The following PKD1L1 variants were observed in gnomAD, a reference collection of about 807,000 sequenced individuals.
The protein encoded by PKD1L1 is polycystin 1 like 1, transient receptor potential channel interacting.
Under a neutral mutation model 323.4 loss-of-function variants are expected in PKD1L1, and 236 were observed. The observed-to-expected ratio is 0.73, with a 90% CI of 0.66 to 0.81. PKD1L1 has a LOEUF of 0.81. PKD1L1 is among the 40% of genes least tolerant of loss of function. The pLI, the probability that PKD1L1 is intolerant of heterozygous loss-of-function variation, is 0.00. For missense variants in PKD1L1, 3,320 were observed against 3,508.0 expected (o/e 0.95, Z 1.35); for synonymous variants, 1,344 against 1,335.0 (o/e 1.01, Z -0.15).
At chr7:47,852,722 C>T (rs541600563) in intron 31 of PKD1L1, among the ~76,000 whole-genome samples, 32 of 152,128 alleles carry the variant, frequency 2.1e-4, no homozygotes, top group Admixed American at 6.5e-4. Context: ...CCTATTGATA[C>T]GTGAGACACA....
At chr7:47,830,005 T>G (rs375188900) in intron 43 of PKD1L1, 35 bp downstream of exon 43, 4 of 1,590,812 alleles carry the variant, frequency 2.5e-6, no homozygotes, top group Non-Finnish European at 3.5e-6. Context: ...CCCCTGCTGA[T>G]GGAAGGCACT....
rs149658004 is a variant in PKD1L1 at position 47,931,965 on chromosome 7, C to T, written c.490G>A (p.Ala164Thr). 5.4e-4 allele frequency: 870 copies of T among 1,613,632 alleles called. 10 individuals carry two copies. The African/African-American group carries it at 0.01, about 19-fold the overall frequency. Residue 164 changes from alanine (A) to threonine (T), a missense_variant, in exon 5 of 57, where the codon GCA becomes ACA. Physicochemically the swap from Ala to Thr is moderately conservative, Grantham distance 58. Transcript: ENST00000289672. ...AGAAGAGCAGAGAATGTGCTGTCTG[C>T]GGTCCCAGTAGCACACAGCCGCCTG... ...HHRRLCATGT[A>T]DSTFSALLQL...
At chr7:47,819,225 G>T (rs191524302) in intron 46 of PKD1L1, among the ~76,000 whole-genome samples, 3 of 152,312 alleles carry the variant, frequency 2.0e-5, no homozygotes, top group Admixed American at 1.3e-4. Flanking sequence ...AGGCAGTGAG[G>T]TTTTGCATCC....
At chr7:47,866,369 C>T in intron 25 of PKD1L1, 50 bp downstream of exon 25, 1 of 1,567,664 alleles carries the variant, frequency 6.4e-7, no homozygotes, top group South Asian at 1.2e-5. Context: ...TGAGCCCTGC[C>T]ACTTGATAAA....
chr7:47,950,204 C>A (rs1221537182), upstream of PKD1L1, among the ~76,000 whole-genome samples: 1 of 152,188 alleles, frequency 6.6e-6, no homozygotes. Flanking sequence ...GGTAAAGACA[C>A]CTGTGCAACC....
At position 47,915,568 on chromosome 7, in the gene PKD1L1, C is replaced by A. The variant is rs1583670811; in HGVS notation, c.1092G>T (p.Leu364Phe). 3 of 1,534,924 alleles carry A rather than the reference C, an allele frequency of 2.0e-6. No individual in the cohort carries two copies. Among genetic ancestry groups the A allele is most frequent in the South Asian group, 1.2e-5 (1 of 83,972 alleles). The change falls in exon 8 of 57, where the codon TTG becomes TTT. Residue 364 changes from leucine (L) to phenylalanine (F), a missense_variant. By Grantham distance (22) the Leu-to-Phe change is conservative. Coordinates refer to ENST00000289672, the MANE Select transcript of PKD1L1 (RefSeq NM_138295.5). ...GIFFHLLHFQ[L>F]DMSTYKEAET... ...CTGCTTCTTTGTAGGTGGACATATC[C>A]AACTGAAAATGTAAAAGATGAAAAA...
At chr7:47,908,863 G>T (rs1787262178) in intron 8 of PKD1L1, among the ~76,000 whole-genome samples, 1 of 152,126 alleles carries the variant, frequency 6.6e-6, no homozygotes, top group Non-Finnish European at 1.5e-5. Flanking sequence ...CTTGTCTTGG[G>T]ACCTCTGTCA....
rs1785919396 is a variant in PKD1L1, at chr7:47,857,002, A to G, written c.4590+603T>C. Among the ~76,000 whole-genome samples the G allele has an allele frequency of 2.0e-5, 3 of 152,306 alleles. No homozygotes were observed. In the South Asian group the frequency reaches 6.2e-4, roughly 32 times the overall value. On this transcript the variant is annotated intron_variant, in intron 28 of 56. Coordinates refer to ENST00000289672, the MANE Select transcript of PKD1L1 (RefSeq NM_138295.5). ...ACAAAGCTTCCGAGTGAATGTCTAC[A>G]AAACTGCCAAGTGGCTGGGACAATC...
intron 51 of PKD1L1, 43 bp downstream of exon 51, chr7:47,809,430 T>A: frequency 1.5e-6 from 2 of 1,375,644 alleles, no homozygotes; most frequent in Non-Finnish European, 2.0e-6. Context: ...ATATAAACAG[T>A]TTATTGTTAT....
chr7:47,786,632 G>A (rs1786813668), intron 56 of PKD1L1, among the ~76,000 whole-genome samples: 1 of 152,202 alleles, frequency 6.6e-6, no homozygotes, highest in Non-Finnish European at 1.5e-5. Context: ...CTTACGCAAT[G>A]GTATTCACAA....
intron 56 of PKD1L1, among the ~76,000 whole-genome samples, chr7:47,787,427 T>C (rs1786833435): frequency 6.6e-6 from 1 of 152,196 alleles, no homozygotes; most frequent in African/African-American, 2.4e-5. Flanking sequence ...GTCCCACTCA[T>C]ACACAAGAAA....
rs1445827732 is a variant in PKD1L1, at chr7:47,833,214, G to C, written c.6213C>G (p.Ala2071=). Residue 2071 remains alanine, a synonymous_variant, in exon 41 of 57, where the codon GCC becomes GCG. Coordinates refer to ENST00000289672, the MANE Select transcript of PKD1L1 (RefSeq NM_138295.5). ...ASAILSGSGR[A]QRKAASDNGT... is the part of the protein sequence containing the mutation. ...CATTGTCACTTGCCGCCTTCCTTTG[G>C]GCCCTGCCACTCCCAGAGAGAATGG... is the stretch of plus-strand genomic sequence containing the variant. The C allele has an allele frequency of 6.2e-7, 1 of 1,612,818 alleles. No homozygotes were observed. The highest frequency in any genetic ancestry group is 1.7e-5 in the Admixed American group (1 of 59,916).
At chr7:47,792,832 C>A in intron 55 of PKD1L1, 35 bp from the exon 56 acceptor site, 2 of 1,559,744 alleles carry the variant, frequency 1.3e-6, no homozygotes, top group Non-Finnish European at 8.8e-7. Flanking sequence ...TAAATGCATT[C>A]AAGAATCTCA....
chr7:47,823,335 C>A (rs2128733088), intron 45 of PKD1L1, among the ~76,000 whole-genome samples: 1 of 152,166 alleles, frequency 6.6e-6, no homozygotes, highest in Admixed American at 6.5e-5. Context: ...TTGAGACGAG[C>A]ATGTGGTTTT....
the PKD1L1 span, among the ~76,000 whole-genome samples, chr7:47,959,328 G>GA: frequency 6.7e-6 from 1 of 149,964 alleles, no homozygotes; most frequent in Middle Eastern, 3.2e-3. Flanking sequence ...ACCCAGTCTG[G>GA]AAAGTGAGGA....
the PKD1L1 span, among the ~76,000 whole-genome samples, chr7:47,958,501 G>A: frequency 1.3e-5 from 2 of 152,108 alleles, no homozygotes; most frequent in African/African-American, 4.8e-5. Context: ...AGGAAACACA[G>A]GAGAAATGCT....
At chr7:47,857,960 C>G in intron 27 of PKD1L1, 128 bp from the exon 28 acceptor site, 1 of 844,418 alleles carries the variant, frequency 1.2e-6, no homozygotes, top group Non-Finnish European at 1.8e-6. Flanking sequence ...TGGCAGGAAG[C>G]AAGAGCGCAG....
intron 54 of PKD1L1, among the ~76,000 whole-genome samples, chr7:47,797,508 T>C (rs1784569278): frequency 6.6e-6 from 1 of 151,546 alleles, no homozygotes; most frequent in Non-Finnish European, 1.5e-5. Context: ...GCCTCCTGGA[T>C]TTACCAGCAA....
At position 47,880,816 on chromosome 7, in the gene PKD1L1, G is replaced by T; in HGVS notation, c.3443-11C>A. 1 of 1,592,308 alleles carries T rather than the reference G, an allele frequency of 6.3e-7. No individual in the cohort carries two copies. Among genetic ancestry groups the T allele is most frequent in the Non-Finnish European group, 8.6e-7 (1 of 1,166,452 alleles). On this transcript the variant is annotated splice_polypyrimidine_tract_variant and intron_variant, in intron 20 of 56. Coordinates refer to ENST00000289672, the MANE Select transcript of PKD1L1 (RefSeq NM_138295.5). ...TCTGTTCTGTAATACCTGCAGAAAA[G>T]ACATGGCTGCATGGAAATGACAGTC...
Sources: gnomAD v4.1 joint callset for allele counts (sites outside exome capture counted in the v4.1 genomes callset) on GRCh38, gnomAD v4.1.1 for gene constraint, MANE v1.5 for transcripts, NCBI Gene and HGNC (gene_info 2026-07-23, HGNC 2026-07-21) for gene names.